The following PTPRN2 variants were observed in gnomAD, a reference collection of about 807,000 sequenced individuals.
PTPRN2 encodes protein tyrosine phosphatase receptor type N2, also known as receptor-type tyrosine-protein phosphatase N2.
PTPRN2 carries 74 observed loss-of-function variants against 118.8 expected under a neutral mutation model. The observed-to-expected ratio is 0.62, with a 90% CI of 0.52 to 0.76. PTPRN2 has a LOEUF of 0.76. PTPRN2 is among the 30% of genes least tolerant of loss of function. The pLI is 0.00. For synonymous variants in PTPRN2, 641 were observed against 608.0 expected, an observed-to-expected ratio of 1.05 and a Z score of -0.80; for missense variants, 1,481 against 1,394.4, an observed-to-expected ratio of 1.06 and a Z score of -0.99.
chr7:158,551,538 C>G, intron 1 of PTPRN2, among the ~76,000 whole-genome samples: 1 of 132,058 alleles, frequency 7.6e-6, no homozygotes, highest in African/African-American at 2.9e-5. Flanking sequence ...GGGGCTCTAA[C>G]ACATGCATTT....
chr7:158,322,487 C>T (rs535177904), intron 2 of PTPRN2, among the ~76,000 whole-genome samples: 15 of 152,114 alleles, frequency 9.9e-5, no homozygotes, highest in Non-Finnish European at 2.1e-4. Flanking sequence ...CCCCGGTGGG[C>T]GACGGGGAGG....
intron 11 of PTPRN2, among the ~76,000 whole-genome samples, chr7:157,958,056 A>G (rs536449920): frequency 6.6e-6 from 1 of 152,316 alleles, no homozygotes; most frequent in Admixed American, 6.5e-5. Flanking sequence ...TACCATGACC[A>G]AGTGGGATGT....
chr7:158,059,220 T>C lies in PTPRN2; in HGVS notation c.1723+22078A>G, dbSNP rs1439201836. On this transcript the variant is annotated intron_variant, in intron 11 of 22. Transcript: ENST00000389418. ...CACTCCATCTGCCCACAGTGAGACA[T>C]CACTGCAGCCACACTCCATCTGCCC... 4.6e-3 allele frequency among the ~76,000 whole-genome samples: 453 copies of C among 98,504 alleles called. 23 individuals are homozygous for C. The highest frequency in any genetic ancestry group is 0.02 in the African/African-American group (391 of 19,342). 64.6% of individuals were successfully genotyped at this position (98,504 alleles called of 152,430 possible).
At chr7:158,214,108 T>C (rs1827800609) in intron 3 of PTPRN2, among the ~76,000 whole-genome samples, 1 of 151,884 alleles carries the variant, frequency 6.6e-6, no homozygotes, top group African/African-American at 2.4e-5. Context: ...AACAAAACAA[T>C]GCAGAGGTAT....
rs984252800 is a variant in PTPRN2, at chr7:157,929,924, A to G, written c.1724-31187T>C. Among the ~76,000 whole-genome samples, 7 of 152,276 alleles carry G rather than the reference A, an allele frequency of 4.6e-5. No individual in the cohort carries two copies. The highest frequency in any genetic ancestry group is 1.7e-4 in the African/African-American group (7 of 41,568). On this transcript the variant is annotated intron_variant, in intron 11 of 22. Transcript: ENST00000389418. This position sits in a 1 kb window ranked among gnomAD's most constrained non-coding sequence, Gnocchi z 4.4. ...CTGGCTGCCTTGGGGCCAGGCATGA[A>G]GCGAATTCAGTCCACATCAGCGGGT...
At chr7:158,359,212 C>G (rs1302077655) in intron 2 of PTPRN2, among the ~76,000 whole-genome samples, 1 of 152,252 alleles carries the variant, frequency 6.6e-6, no homozygotes, top group African/African-American at 2.4e-5. Flanking sequence ...TCAATACTCA[C>G]AACTTTAACC....
chr7:158,015,473 AAG>A lies in PTPRN2; in HGVS notation c.1723+65823_1723+65824del, dbSNP rs1806380145. 7.1e-6 allele frequency among the ~76,000 whole-genome samples: 1 copy of A among 140,392 alleles called. No individual in the cohort carries two copies. Among genetic ancestry groups the A allele is most frequent in the Admixed American group, 7.2e-5 (1 of 13,874 alleles). 92.1% of individuals were successfully genotyped at this position (140,392 alleles called of 152,430 possible). A position where few individuals can be genotyped will look rare whatever the true frequency, so the allele number is the denominator to read the frequency against. ...GGGTGGTGAGAGAGAGAGAGAGAGG[AAG>A]AGAGGGAGAGAGGGAGAGAGGGAGA... is the stretch of plus-strand genomic sequence containing the variant. On this transcript the variant is annotated intron_variant, in intron 11 of 22. Transcript: ENST00000389418. This position sits in a 1 kb window ranked among gnomAD's most constrained non-coding sequence, Gnocchi z 4.2.
At chr7:158,071,565 CT>C (rs1811692748) in intron 11 of PTPRN2, among the ~76,000 whole-genome samples, 3 of 11,416 alleles carry the variant, frequency 2.6e-4, no homozygotes, top group Non-Finnish European at 3.8e-4. Context: ...GGTGGAGGTG[CT>C]CCTGGTGGAG....
chr7:157,540,831 C>T (rs1043686192), intron 22 of PTPRN2, 46 bp from the exon 23 acceptor site: 1 of 1,469,698 alleles, frequency 6.8e-7, no homozygotes, highest in Non-Finnish European at 9.3e-7. Context: ...GCGGCGTCCC[C>T]CCGACTCCTG....
chr7:157,663,031 A>G (rs745863985), intron 13 of PTPRN2, among the ~76,000 whole-genome samples: 1 of 151,954 alleles, frequency 6.6e-6, no homozygotes, highest in Non-Finnish European at 1.5e-5. Flanking sequence ...CCAACTGAAG[A>G]GTGTCCTGCC....
intron 12 of PTPRN2, among the ~76,000 whole-genome samples, chr7:157,849,881 G>C (rs760287792): frequency 6.6e-6 from 1 of 152,300 alleles, no homozygotes; most frequent in African/African-American, 2.4e-5. Flanking sequence ...AGGGGAAGAC[G>C]GCACAGACCC....
intron 6 of PTPRN2, among the ~76,000 whole-genome samples, chr7:158,142,390 T>C (rs893606675): frequency 2.6e-5 from 4 of 152,206 alleles, no homozygotes; most frequent in Admixed American, 1.3e-4. Context: ...GGCGCATCCC[T>C]GTATCGACCC....
intron 2 of PTPRN2, among the ~76,000 whole-genome samples, chr7:158,337,778 C>G (rs1475790874): frequency 5.7e-3 from 188 of 33,024 alleles, no homozygotes; most frequent in Middle Eastern, 0.021. Flanking sequence ...AAACGTCACT[C>G]ACACCCACAC....
chr7:158,124,223 C>T (rs1319284203), intron 9 of PTPRN2, among the ~76,000 whole-genome samples: 1 of 152,246 alleles, frequency 6.6e-6, no homozygotes, highest in African/African-American at 2.4e-5. Context: ...GAAGTGCCGC[C>T]AATGCCAACG....
chr7:158,110,806 A>G (rs17847430), intron 10 of PTPRN2, 23 bp downstream of exon 10: 15,847 of 1,561,884 alleles, frequency 0.01, 658 homozygotes, highest in African/African-American at 0.093. Context: ...AGCCAAACAG[A>G]AACCCCAGGG....
chr7:157,778,131 C>T (rs1803446270), intron 12 of PTPRN2, among the ~76,000 whole-genome samples: 1 of 152,240 alleles, frequency 6.6e-6, no homozygotes, highest in Admixed American at 6.5e-5. Flanking sequence ...AACACACAGA[C>T]TCCCTGTTTT....
intron 9 of PTPRN2, among the ~76,000 whole-genome samples, chr7:158,131,709 C>T (rs111066533): frequency 0.32 from 40,477 of 126,178 alleles, 5,661 homozygotes; most frequent in South Asian, 0.45. Context: ...TGCAAATATG[C>T]ACAGATACAC....
rs139113026 is a variant in PTPRN2, at chr7:157,978,694, A to G, written c.1724-79957T>C. On this transcript the variant is annotated intron_variant, in intron 11 of 22. Coordinates refer to ENST00000389418, the MANE Select transcript of PTPRN2 (RefSeq NM_002847.5). ...CCCCAGTGATGATTCTTTCTGAACAAGAGTCCTCAGCTCCCCCACTTCCCT... is the reference window on the plus strand; with the variant it reads ...CCCCAGTGATGATTCTTTCTGAACAGGAGTCCTCAGCTCCCCCACTTCCCT... 2.6e-3 allele frequency among the ~76,000 whole-genome samples: 396 copies of G among 152,028 alleles called. 5 individuals are homozygous for G. Among genetic ancestry groups the G allele is most frequent in the African/African-American group, 8.5e-3 (354 of 41,514 alleles).
At chr7:158,551,943 TG>T (rs1408676310) in intron 1 of PTPRN2, among the ~76,000 whole-genome samples, 3 of 18,918 alleles carry the variant, frequency 1.6e-4, no homozygotes, top group African/African-American at 7.5e-4. Context: ...CACATGCATT[TG>T]GGGGGCCCCA....
Sources: allele counts gnomAD v4.1 joint callset (sites outside exome capture counted in the v4.1 genomes callset), GRCh38; gene constraint gnomAD v4.1.1; non-coding constraint Gnocchi (gnomAD v3.1); transcripts MANE v1.5; gene names NCBI Gene and HGNC (gene_info 2026-07-23, HGNC 2026-07-21).